The following CDH4 variants were observed in gnomAD, a reference collection of about 807,000 sequenced individuals.
CDH4 encodes the protein cadherin 4.
Under a neutral mutation model 86.0 loss-of-function variants are expected in CDH4, and 33 were observed. That is an observed-to-expected ratio of 0.38 (90% CI 0.29 to 0.51). CDH4 has a LOEUF of 0.51. Ranked by LOEUF, CDH4 falls within the 20% of genes least tolerant of loss-of-function variation. The pLI is 0.86. For synonymous variants in CDH4, 555 were observed against 549.4 expected (o/e 1.01, Z -0.14); for missense variants, 1,114 against 1,307.4 (o/e 0.85, Z 2.28).
At position 61,517,448 on chromosome 20, in the gene CDH4, G is replaced by A. The variant is rs956898843; in HGVS notation, c.170-226115G>A. ...GGCCTCAAGCAATCCTCCCACCTTGGCCTCCCAAAGTGCTGGGATTGCAGG... is the reference window on the plus strand; with the variant it reads ...GGCCTCAAGCAATCCTCCCACCTTGACCTCCCAAAGTGCTGGGATTGCAGG... On this transcript the variant is annotated intron_variant, in intron 2 of 15. Coordinates refer to ENST00000614565, the MANE Select transcript of CDH4 (RefSeq NM_001794.5). This position sits in a 1 kb window ranked among gnomAD's most constrained non-coding sequence, Gnocchi z 6.6. 1.1e-4 allele frequency among the ~76,000 whole-genome samples: 16 copies of A among 152,298 alleles called. No individual in the cohort carries two copies. Among genetic ancestry groups the A allele is most frequent in the African/African-American group, 3.6e-4 (15 of 41,550 alleles).
intron 2 of CDH4, among the ~76,000 whole-genome samples, chr20:61,278,515 G>A (rs1295148236): frequency 6.6e-6 from 1 of 152,236 alleles, no homozygotes; most frequent in Admixed American, 6.5e-5. Flanking sequence ...GGCCCATCTG[G>A]CTGCATGGTG....
intron 2 of CDH4, among the ~76,000 whole-genome samples, chr20:61,658,988 C>T (rs2087222798): frequency 6.6e-6 from 1 of 152,210 alleles, no homozygotes; most frequent in African/African-American, 2.4e-5. Flanking sequence ...GCGTTTCTAA[C>T]AGGCCCCCAG....
Position 61,377,740 on chromosome 20 carries a change from G to T in CDH4, c.169+122803G>T, listed in dbSNP as rs1178590442. ...TGGCTCCAAGCAATTCTTCAGTGCT[G>T]TGTAAAGGGTACATTCCATCTGTTC... On this transcript the variant is annotated intron_variant, in intron 2 of 15. Transcript: ENST00000614565. The surrounding 1 kb of genome is among the most constrained non-coding windows in gnomAD (Gnocchi z 4.0). 1.3e-5 allele frequency among the ~76,000 whole-genome samples: 2 copies of T among 152,242 alleles called. No homozygotes were observed. Among genetic ancestry groups the T allele is most frequent in the East Asian group, 3.8e-4 (2 of 5,206 alleles).
At chr20:61,578,795 C>T (rs1161214407) in intron 2 of CDH4, among the ~76,000 whole-genome samples, 3 of 152,148 alleles carry the variant, frequency 2.0e-5, no homozygotes, top group African/African-American at 7.2e-5. Context: ...GTCCATTCTG[C>T]CTTACATCAT....
intron 4 of CDH4, among the ~76,000 whole-genome samples, chr20:61,774,893 T>A (rs953235814): frequency 5.9e-5 from 9 of 152,214 alleles, no homozygotes; most frequent in African/African-American, 1.9e-4. Flanking sequence ...CCATGGTGTA[T>A]TTGTACCACA....
At chr20:61,885,200 G>A (rs139366436) in intron 7 of CDH4, among the ~76,000 whole-genome samples, 29 of 152,278 alleles carry the variant, frequency 1.9e-4, no homozygotes, top group South Asian at 8.3e-4. Flanking sequence ...TTAACTGTAC[G>A]CTTCAGCGGG....
intron 2 of CDH4, among the ~76,000 whole-genome samples, chr20:61,298,614 A>G (rs1297634823): frequency 6.6e-6 from 1 of 151,278 alleles, no homozygotes; most frequent in Non-Finnish European, 1.5e-5. Context: ...TTTCCTTTGA[A>G]CAATAACATT....
At chr20:61,885,654 G>T (rs1295343123) in intron 7 of CDH4, among the ~76,000 whole-genome samples, 1 of 152,206 alleles carries the variant, frequency 6.6e-6, no homozygotes, top group Non-Finnish European at 1.5e-5. Flanking sequence ...ATACCCAGGA[G>T]CGGAGCTGCC....
intron 4 of CDH4, among the ~76,000 whole-genome samples, chr20:61,834,410 A>C (rs944360635): frequency 6.6e-6 from 1 of 152,140 alleles, no homozygotes; most frequent in Non-Finnish European, 1.5e-5. Context: ...CAGCCCAGGC[A>C]GGGTCTAAGC....
intron 10 of CDH4, 102 bp from the exon 11 acceptor site, chr20:61,924,232 G>C (rs138291395): frequency 3.4e-6 from 4 of 1,178,802 alleles, no homozygotes; most frequent in Non-Finnish European, 4.8e-6. Flanking sequence ...AGAGACACTG[G>C]CCCAGGCCCA....
At chr20:61,820,869 C>T (rs763045941) in intron 4 of CDH4, among the ~76,000 whole-genome samples, 2 of 152,118 alleles carry the variant, frequency 1.3e-5, no homozygotes, top group Non-Finnish European at 2.9e-5. Context: ...GGCCCAGGAC[C>T]CTCTGTCCAC....
intron 2 of CDH4, chr20:61,435,770 G>A (rs975678093): frequency 6.6e-6 from 1 of 152,306 alleles, no homozygotes; most frequent in Non-Finnish European, 1.5e-5. Context: ...ACAGACATGA[G>A]GGTGTCGACT....
At chr20:61,862,382 C>T (rs1358202299) in intron 6 of CDH4, among the ~76,000 whole-genome samples, 1 of 152,200 alleles carries the variant, frequency 6.6e-6, no homozygotes, top group Non-Finnish European at 1.5e-5. Flanking sequence ...TCCTGGTTCT[C>T]CCAAGGTGGA....
intron 1 of CDH4, among the ~76,000 whole-genome samples, chr20:61,253,543 C>A (rs2084078200): frequency 6.6e-6 from 1 of 151,626 alleles, no homozygotes; most frequent in South Asian, 2.1e-4. Context: ...AGGCCCGCTC[C>A]GAGGCCGCGG....
chr20:61,571,064 G>A (rs1378676917), intron 2 of CDH4, among the ~76,000 whole-genome samples: 1 of 152,214 alleles, frequency 6.6e-6, no homozygotes, highest in Non-Finnish European at 1.5e-5. Flanking sequence ...GGCAAGGCCT[G>A]TGCAAGGTGG....
chr20:61,333,717 C>T (rs565354554), intron 2 of CDH4, among the ~76,000 whole-genome samples: 4 of 152,192 alleles, frequency 2.6e-5, no homozygotes, highest in African/African-American at 7.2e-5. Context: ...CCCTGGGTTG[C>T]GCTTTCAGGC....
At chr20:61,316,112 C>T (rs143173399) in intron 2 of CDH4, among the ~76,000 whole-genome samples, 1 of 152,172 alleles carries the variant, frequency 6.6e-6, no homozygotes, top group South Asian at 2.1e-4. Context: ...ACGTCCTCCT[C>T]TTCCTCCTGG....
At chr20:61,840,034 C>T (rs1270510390) in intron 4 of CDH4, among the ~76,000 whole-genome samples, 1 of 152,126 alleles carries the variant, frequency 6.6e-6, no homozygotes, top group African/African-American at 2.4e-5. Context: ...TTCTCCAAGG[C>T]CTTCCTTGCC....
At chr20:61,860,102 G>A (rs1365003011) in intron 6 of CDH4, among the ~76,000 whole-genome samples, 1 of 152,248 alleles carries the variant, frequency 6.6e-6, no homozygotes, top group Non-Finnish European at 1.5e-5. Context: ...CAGTGACGCT[G>A]TCATTGACAG....
Sources: gnomAD v4.1 joint callset for allele counts (sites outside exome capture counted in the v4.1 genomes callset) on GRCh38, gnomAD v4.1.1 for gene constraint, Gnocchi (gnomAD v3.1) non-coding constraint, MANE v1.5 for transcripts, NCBI Gene and HGNC (gene_info 2026-07-23, HGNC 2026-07-21) for gene names.